Variants in GPC5 observed in about 807,000 individuals in gnomAD.
GPC5 encodes glypican-5.
GPC5 carries 47 observed loss-of-function variants against 53.9 expected under a neutral mutation model. That is an observed-to-expected ratio of 0.87 (90% CI 0.69 to 1.11). The LOEUF is 1.11. GPC5 is among the 50% of genes most tolerant of loss of function. The pLI is 0.00. For synonymous variants in GPC5, 286 were observed against 263.3 expected, an observed-to-expected ratio of 1.09 and a Z score of -0.84; for missense variants, 748 against 713.1, an observed-to-expected ratio of 1.05 and a Z score of -0.56.
At chr13:91,788,522 C>A (rs1314065858) in intron 5 of GPC5, among the ~76,000 whole-genome samples, 1 of 152,144 alleles carries the variant, frequency 6.6e-6, no homozygotes, top group Non-Finnish European at 1.5e-5. Context: ...AATTCATCTG[C>A]CATTTTGGTA....
chr13:91,453,852 A>G (rs555514115), intron 2 of GPC5, among the ~76,000 whole-genome samples: 1 of 152,082 alleles, frequency 6.6e-6, no homozygotes, highest in African/African-American at 2.4e-5. Flanking sequence ...TTGAGCACCT[A>G]CTGGGTGCCA....
chr13:92,014,945 T>C (rs960095009), intron 6 of GPC5, among the ~76,000 whole-genome samples: 1 of 152,078 alleles, frequency 6.6e-6, no homozygotes, highest in Non-Finnish European at 1.5e-5. Flanking sequence ...GGGTGGCTGA[T>C]TTGAGTGATG....
chr13:92,154,695 G>A (rs926245440), intron 7 of GPC5, among the ~76,000 whole-genome samples: 1 of 151,946 alleles, frequency 6.6e-6, no homozygotes, highest in African/African-American at 2.4e-5. Flanking sequence ...TAGTTTCTTT[G>A]CCATCTGGTA....
At chr13:91,433,408 T>G (rs1879654082) in intron 1 of GPC5, among the ~76,000 whole-genome samples, 1 of 142,126 alleles carries the variant, frequency 7.0e-6, no homozygotes, top group South Asian at 2.5e-4. Flanking sequence ...TGTCCATGTG[T>G]TCTCATTGTT....
intron 7 of GPC5, among the ~76,000 whole-genome samples, chr13:92,750,220 G>GA (rs908230146): frequency 9.9e-5 from 15 of 151,770 alleles, no homozygotes; most frequent in African/African-American, 3.4e-4. Context: ...CAAGACTCTA[G>GA]AAAAAAAAGT....
intron 7 of GPC5, among the ~76,000 whole-genome samples, chr13:92,476,502 T>A (rs1879135379): frequency 6.6e-6 from 1 of 151,858 alleles, no homozygotes; most frequent in Non-Finnish European, 1.5e-5. Context: ...CTCAGTGATC[T>A]AGAACTGGAA....
intron 7 of GPC5, among the ~76,000 whole-genome samples, chr13:92,179,085 C>T (rs1395305535): frequency 6.6e-6 from 1 of 152,146 alleles, no homozygotes; most frequent in Non-Finnish European, 1.5e-5. Flanking sequence ...CAAATGACTA[C>T]ACTTGTTCAT....
intron 7 of GPC5, among the ~76,000 whole-genome samples, chr13:92,737,760 C>CTTTTTTTTTTTTTT (rs1403603549): frequency 4.8e-5 from 3 of 62,488 alleles, no homozygotes; most frequent in Non-Finnish European, 9.3e-5. Context: ...TTTTTTTTTT[C>CTTTTTTTTTTTTTT]TTTTTCTTTT....
intron 4 of GPC5, among the ~76,000 whole-genome samples, chr13:91,739,654 G>C (rs2036887725): frequency 6.6e-6 from 1 of 151,284 alleles, no homozygotes; most frequent in South Asian, 2.1e-4. Context: ...CTCTCCATAG[G>C]ACTGCTTGAG....
rs188140659 is a variant in GPC5, at chr13:91,552,335, A to G, written c.325+103413A>G. The stretch of plus-strand genomic sequence containing the variant: ...CAGCTCCGTGAATAAGCAGTATTTT[A>G]TTGTTATATCTAACGTGTAAGGAAT... On this transcript the variant is annotated intron_variant, in intron 2 of 7. Transcript: ENST00000377067. 1.9e-3 allele frequency among the ~76,000 whole-genome samples: 292 copies of G among 152,118 alleles called. 2 individuals carry two copies. Among genetic ancestry groups the G allele is most frequent in the Non-Finnish European group, 3.8e-4 (26 of 67,960 alleles).
chr13:92,537,257 G>A (rs1277069408), intron 7 of GPC5, among the ~76,000 whole-genome samples: 2 of 152,096 alleles, frequency 1.3e-5, no homozygotes, highest in Non-Finnish European at 2.9e-5. Context: ...ATCTGTGAAA[G>A]AAAATTTATC....
intron 5 of GPC5, among the ~76,000 whole-genome samples, chr13:91,822,510 C>T (rs1288816062): frequency 6.6e-6 from 1 of 152,158 alleles, no homozygotes; most frequent in African/African-American, 2.4e-5. Context: ...ATAATATTAA[C>T]ATTCTTTGTG....
chr13:92,075,189 A>T (rs1391517539), intron 6 of GPC5, among the ~76,000 whole-genome samples: 1 of 152,182 alleles, frequency 6.6e-6, no homozygotes, highest in Non-Finnish European at 1.5e-5. Context: ...TTAAGTGGGA[A>T]TGTTCCAACA....
intron 7 of GPC5, among the ~76,000 whole-genome samples, chr13:92,244,266 C>T (rs890111779): frequency 6.6e-6 from 1 of 152,040 alleles, no homozygotes; most frequent in Non-Finnish European, 1.5e-5. Flanking sequence ...TTTAATGTCC[C>T]GGCATTGATT....
intron 7 of GPC5, among the ~76,000 whole-genome samples, chr13:92,754,235 C>T (rs1874737519): frequency 6.6e-6 from 1 of 152,154 alleles, no homozygotes; most frequent in Non-Finnish European, 1.5e-5. Flanking sequence ...AACTAAGCTT[C>T]ATAAGTGAAG....
chr13:91,437,952 A>G (rs1435509696), intron 1 of GPC5, among the ~76,000 whole-genome samples: 3 of 152,174 alleles, frequency 2.0e-5, no homozygotes, highest in Non-Finnish European at 2.9e-5. Flanking sequence ...CCAGTTGATC[A>G]CATCGGCTAC....
chr13:92,751,303 T>TAAAAAAAAAAAAAAA (rs71123435), intron 7 of GPC5, among the ~76,000 whole-genome samples: 4 of 38,776 alleles, frequency 1.0e-4, no homozygotes, highest in Non-Finnish European at 1.6e-4. Flanking sequence ...CAGAAACATT[T>TAAAAAAAAAAAAAAA]AAAAAAAAAA....
intron 6 of GPC5, among the ~76,000 whole-genome samples, chr13:91,968,222 C>A (rs1362024763): frequency 1.3e-5 from 2 of 151,762 alleles, no homozygotes; most frequent in Non-Finnish European, 2.9e-5. Context: ...AAATTATATT[C>A]CTCATGTATT....
intron 5 of GPC5, among the ~76,000 whole-genome samples, chr13:91,817,085 T>C (rs2038411316): frequency 1.3e-5 from 2 of 152,220 alleles, no homozygotes; most frequent in African/African-American, 4.8e-5. Flanking sequence ...TTCTGAATTT[T>C]AGCTTCATTT....
Sources: allele counts gnomAD v4.1 joint callset (sites outside exome capture counted in the v4.1 genomes callset), GRCh38; gene constraint gnomAD v4.1.1; transcripts MANE v1.5; gene names NCBI Gene and HGNC (gene_info 2026-07-23, HGNC 2026-07-21).